RPS6KB1: variants seen among roughly 807,000 people sequenced by gnomAD.
RPS6KB1 encodes ribosomal protein S6 kinase B1.
In RPS6KB1, 12 loss-of-function variants were observed where a neutral mutation model predicts 70.2. The ratio of observed to expected loss-of-function variants is 0.17; its 90% confidence interval spans 0.11 to 0.28. The LOEUF (loss-of-function observed/expected upper bound fraction) is 0.28. Among genes scored for constraint, RPS6KB1 ranks in the 10% least tolerant of loss-of-function variants. The pLI is 1.00. For synonymous variants in RPS6KB1, 175 were observed against 211.2 expected (o/e 0.83, Z 1.49); for missense variants, 270 against 646.6 (o/e 0.42, Z 6.32).
intron 1 of RPS6KB1, among the ~76,000 whole-genome samples, chr17:59,895,874 C>T (rs936566179): frequency 6.6e-6 from 1 of 151,920 alleles, no homozygotes; most frequent in African/African-American, 2.4e-5. Context: ...CTCCAGCAAT[C>T]TGCCAGCCTT....
At chr17:59,924,734 A>G (rs1481232176) in intron 4 of RPS6KB1, among the ~76,000 whole-genome samples, 1 of 151,904 alleles carries the variant, frequency 6.6e-6, no homozygotes, top group Non-Finnish European at 1.5e-5. Context: ...TGTACAAAAG[A>G]TAGCATAGTA....
chr17:59,894,622 T>C (rs911955846), intron 1 of RPS6KB1, among the ~76,000 whole-genome samples: 2 of 152,242 alleles, frequency 1.3e-5, no homozygotes, highest in African/African-American at 4.8e-5. Flanking sequence ...TTGTTTTGTT[T>C]TGAGTTGGGT....
Position 59,936,662 on chromosome 17 carries a change from A to G in RPS6KB1, c.1119+121A>G, listed in dbSNP as rs1275263154. On this transcript the variant is annotated intron_variant, in intron 12 of 14. Transcript: ENST00000225577. ...GGAGTTCAAGACCAGCATGGGCAAC[A>G]TAACAAGACTCCATATCTACAAAAC... The G allele has an allele frequency of 2.2e-5, 17 of 777,460 alleles. No homozygotes were observed. In the Admixed American group the frequency reaches 2.9e-4, roughly 13 times the overall value. The allele number at this position is 777,460 out of a possible 1,614,324, so 48.2% of individuals were successfully genotyped here. A position where few individuals can be genotyped will look rare whatever the true frequency, so the allele number is the denominator to read the frequency against.
At chr17:59,895,413 CCAGG>C (rs1193471753) in intron 1 of RPS6KB1, among the ~76,000 whole-genome samples, 1 of 150,312 alleles carries the variant, frequency 6.7e-6, no homozygotes, top group East Asian at 1.9e-4. Flanking sequence ...CCTCTGCCTC[CCAGG>C]TTCAAGCGAT....
At chr17:59,911,131 A>T (rs1164779746) in intron 2 of RPS6KB1, among the ~76,000 whole-genome samples, 1 of 152,222 alleles carries the variant, frequency 6.6e-6, no homozygotes, top group Non-Finnish European at 1.5e-5. Flanking sequence ...TAAAATTCAA[A>T]AATTAGCCGG....
Position 59,948,708 on chromosome 17 carries a change from C to G in RPS6KB1, c.*1920C>G, listed in dbSNP as rs1358257292. On this transcript the variant is annotated 3_prime_UTR_variant, in exon 15 of 15. Transcript: ENST00000225577. Reference sequence around the variant, plus strand: ...CCCCCTCCTCCCTTATTGCAGCAGCCTACTGAGAACTTTGACTGTTGCTGG... The same window carrying G: ...CCCCCTCCTCCCTTATTGCAGCAGCGTACTGAGAACTTTGACTGTTGCTGG... 6.6e-6 allele frequency: 1 copy of G among 152,272 alleles called. No individual in the cohort carries two copies. Among genetic ancestry groups the G allele is most frequent in the African/African-American group, 2.4e-5 (1 of 41,392 alleles). The allele number at this position is 152,272 out of a possible 1,614,324, so 9.4% of individuals were successfully genotyped here.
chr17:59,926,620 C>T (rs1179463379), intron 5 of RPS6KB1, 38 bp downstream of exon 5: 1 of 1,481,418 alleles, frequency 6.8e-7, no homozygotes, highest in Non-Finnish European at 9.3e-7. Flanking sequence ...TTTGCATTTG[C>T]TCCAGAAACT....
At chr17:59,939,022 T>C (rs537635302) in intron 12 of RPS6KB1, among the ~76,000 whole-genome samples, 1 of 152,312 alleles carries the variant, frequency 6.6e-6, no homozygotes, top group East Asian at 1.9e-4. Flanking sequence ...TTCTTCTTTC[T>C]TTGTTAGCTG....
intron 4 of RPS6KB1, among the ~76,000 whole-genome samples, chr17:59,917,405 C>G (rs561037838): frequency 3.3e-5 from 5 of 152,100 alleles, no homozygotes; most frequent in Admixed American, 6.6e-5. Context: ...ACAGGTATGG[C>G]CCACTGCGCC....
At chr17:59,909,669 G>A (rs922254410) in intron 1 of RPS6KB1, among the ~76,000 whole-genome samples, 1 of 151,756 alleles carries the variant, frequency 6.6e-6, no homozygotes, top group African/African-American at 2.4e-5. Flanking sequence ...CTGAGGTCAG[G>A]AGTTCGAGAC....
rs528832497 is a variant in RPS6KB1 at position 59,916,123 on chromosome 17, C to A, written c.381+1420C>A. Reference sequence around the variant, plus strand: ...GCAGTTTTCAATTTTTTTTTTTAGACGGAGCCTCACTCTGTTGCCCAGGCT... The same window carrying A: ...GCAGTTTTCAATTTTTTTTTTTAGAAGGAGCCTCACTCTGTTGCCCAGGCT... On this transcript the variant is annotated intron_variant, in intron 4 of 14. Transcript: ENST00000225577. 4.4e-5 allele frequency among the ~76,000 whole-genome samples: 6 copies of A among 137,620 alleles called. No individual in the cohort carries two copies. The South Asian group carries it at 1.4e-3, about 33-fold the overall frequency. The allele number at this position is 137,620 out of a possible 152,430, so 90.3% of individuals were successfully genotyped here. A position where few individuals can be genotyped will look rare whatever the true frequency, so the allele number is the denominator to read the frequency against.
chr17:59,919,443 G>C (rs181739845), intron 4 of RPS6KB1, among the ~76,000 whole-genome samples: 7 of 152,096 alleles, frequency 4.6e-5, no homozygotes, highest in African/African-American at 1.7e-4. Context: ...CAACAAGAGC[G>C]AGACTCCATC....
intron 1 of RPS6KB1, among the ~76,000 whole-genome samples, chr17:59,904,040 C>G (rs1156488626): frequency 6.6e-6 from 1 of 150,862 alleles, no homozygotes; most frequent in African/African-American, 2.4e-5. Context: ...TGCGCCTGGC[C>G]TATTTATCTT....
In RPS6KB1 at chr17:59,946,245, C is replaced by T. The variant is rs2044917438; in HGVS notation, c.1341-306C>T. Among the ~76,000 whole-genome samples the T allele has an allele frequency of 1.3e-5, 2 of 152,096 alleles. No homozygotes were observed. Among genetic ancestry groups the T allele is most frequent in the African/African-American group, 2.4e-5 (1 of 41,478 alleles). On this transcript the variant is annotated intron_variant, in intron 14 of 14. Transcript: ENST00000225577. This position sits in a 1 kb window ranked among gnomAD's most constrained non-coding sequence, Gnocchi z 4.2. The stretch of plus-strand genomic sequence containing the variant: ...TTGGAAAAGTATTTTATTTTAAATG[C>T]AATAGAAAGCTGTTTTGAGCAGGGG...
chr17:59,924,461 G>T (rs1258815945), intron 4 of RPS6KB1, among the ~76,000 whole-genome samples: 2 of 151,652 alleles, frequency 1.3e-5, no homozygotes, highest in Non-Finnish European at 2.9e-5. Flanking sequence ...CATCCTTGTT[G>T]ATTTTATTTT....
At position 59,895,470 on chromosome 17, in the gene RPS6KB1, C is replaced by T. The variant is rs1276590960; in HGVS notation, c.141+2145C>T. ...CCAAGTAGCTGGGATTACAGGGGCG[C>T]GCCACATCACCTGGCTACTTTTTTT... On this transcript the variant is annotated intron_variant, in intron 1 of 14. Coordinates refer to ENST00000225577, the MANE Select transcript of RPS6KB1 (RefSeq NM_003161.4). 4.6e-5 allele frequency among the ~76,000 whole-genome samples: 7 copies of T among 150,784 alleles called. No homozygotes were observed. In the South Asian group the frequency reaches 8.4e-4, roughly 18 times the overall value.
intron 1 of RPS6KB1, among the ~76,000 whole-genome samples, chr17:59,899,673 A>C (rs1175095342): frequency 6.6e-6 from 1 of 152,198 alleles, no homozygotes; most frequent in South Asian, 2.1e-4. Flanking sequence ...TATCCCACAC[A>C]TAAAAGAAAC....
At chr17:59,945,700 G>A (rs2044881655) in intron 14 of RPS6KB1, among the ~76,000 whole-genome samples, 182 bp downstream of exon 14, 1 of 152,092 alleles carries the variant, frequency 6.6e-6, no homozygotes, top group Admixed American at 6.6e-5. Context: ...GATGTTATAT[G>A]GTTTACCTTC....
chr17:59,921,709 C>G (rs1305457970), intron 4 of RPS6KB1, among the ~76,000 whole-genome samples: 1 of 152,158 alleles, frequency 6.6e-6, no homozygotes, highest in African/African-American at 2.4e-5. Flanking sequence ...AAAAGACTAT[C>G]AACAGCCATC....
Sources: gnomAD v4.1 joint callset for allele counts (sites outside exome capture counted in the v4.1 genomes callset) on GRCh38, gnomAD v4.1.1 for gene constraint, Gnocchi (gnomAD v3.1) non-coding constraint, MANE v1.5 for transcripts, NCBI Gene and HGNC (gene_info 2026-07-23, HGNC 2026-07-21) for gene names.